ZNF436: variants seen among roughly 807,000 people sequenced by gnomAD.
ZNF436 encodes the protein DNA-binding protein.
Under a neutral mutation model 41.9 loss-of-function variants are expected in ZNF436, and 22 were observed. The ratio of observed to expected loss-of-function variants is 0.53; its 90% CI spans 0.38 to 0.75. The LOEUF (loss-of-function observed/expected upper bound fraction) is 0.75. ZNF436 is among the 30% of genes least tolerant of loss of function. ZNF436 has a pLI of 0.00. For missense variants in ZNF436, 506 were observed against 587.3 expected (o/e 0.86, Z 1.43); for synonymous variants, 217 against 197.8 (o/e 1.10, Z -0.82).
rs1646986504 is a variant in ZNF436 at position 23,360,443 on chromosome 1, A to G, written c.*1526T>C. On this transcript the variant is annotated 3_prime_UTR_variant, in exon 4 of 4. Transcript: ENST00000314011. Reference sequence around the variant, plus strand: ...ACTCCAGTCCCATTTTCTGGGCACCAATTCCCTTCCACCCCAACATGCTTG... The same window carrying G: ...ACTCCAGTCCCATTTTCTGGGCACCGATTCCCTTCCACCCCAACATGCTTG... 2 of 152,244 alleles carry G rather than the reference A, an allele frequency of 1.3e-5. No individual in the cohort carries two copies. Among genetic ancestry groups the G allele is most frequent in the African/African-American group, 2.4e-5 (1 of 41,456 alleles). 9.4% of individuals were successfully genotyped at this position (152,244 alleles called of 1,614,324 possible).
At position 23,369,675 on chromosome 1, in the gene ZNF436, C is replaced by T; in HGVS notation, c.-370G>A. On this transcript the variant is annotated 5_prime_UTR_variant, in exon 1 of 4. An upstream open reading frame in the 5' UTR loses its in-frame stop. Transcript: ENST00000314011. ...AGGCTGGCCGAGAAACCACCAGCAA[C>T]TAAGCTGCATTCAGCTGGAGTTCCT... 2.1e-6 allele frequency: 1 copy of T among 471,428 alleles called. No homozygotes were observed. The highest frequency in any genetic ancestry group is 4.5e-6 in the Non-Finnish European group (1 of 223,084). The allele number at this position is 471,428 out of a possible 1,614,324, so 29.2% of individuals were successfully genotyped here. A position where few individuals can be genotyped will look rare whatever the true frequency, so the allele number is the denominator to read the frequency against.
chr1:23,362,116 C>T lies in ZNF436; in HGVS notation c.1266G>A (p.Gln422=). The change falls in exon 4 of 4, where the codon CAG becomes CAA. Residue 422 remains glutamine, a synonymous_variant. Coordinates refer to ENST00000314011, the MANE Select transcript of ZNF436 (RefSeq NM_001077195.2). ...AGCTCTGGGTGAAACCTTTCCCACA[C>T]TGCACACACTCGTAGGGCTTCTCCC... ...HTGEKPYECV[Q]CGKGFTQSSN... 3 of 1,614,182 alleles carry T rather than the reference C, an allele frequency of 1.9e-6. No individual in the cohort carries two copies. Among genetic ancestry groups the T allele is most frequent in the Non-Finnish European group, 2.5e-6 (3 of 1,180,032 alleles).
intron 3 of ZNF436, among the ~76,000 whole-genome samples, chr1:23,364,386 C>T (rs12073190): frequency 0.05 from 7,587 of 152,034 alleles, 604 homozygotes; most frequent in African/African-American, 0.17. Context: ...TACAGGTGCC[C>T]GCCACCACAT....
At chr1:23,365,553 A>C (rs1385511893) in intron 3 of ZNF436, among the ~76,000 whole-genome samples, 1 of 151,788 alleles carries the variant, frequency 6.6e-6, no homozygotes, top group African/African-American at 2.4e-5. Flanking sequence ...GTCTCCACTA[A>C]AAATACAAAA....
At chr1:23,364,831 A>G (rs938509721) in intron 3 of ZNF436, among the ~76,000 whole-genome samples, 2 of 152,248 alleles carry the variant, frequency 1.3e-5, no homozygotes, top group Non-Finnish European at 2.9e-5. Flanking sequence ...CTCTTCAGAA[A>G]GAAAGTATGT....
rs771356179 is a variant in ZNF436, at chr1:23,369,460, G to A, written c.-155C>T. 1 of 533,888 alleles carries A rather than the reference G, an allele frequency of 1.9e-6. No individual in the cohort carries two copies. The allele number at this position is 533,888 out of a possible 1,614,324, so 33.1% of individuals were successfully genotyped here. On this transcript the variant is annotated 5_prime_UTR_variant, in exon 1 of 4. It adds an upstream start codon to the 5' untranslated region. Coordinates refer to ENST00000314011, the MANE Select transcript of ZNF436 (RefSeq NM_001077195.2). ...GCCGCAGCGTTCTCTCAGACCTGGC[G>A]TTCAGGAAGATTCTAGAGAGCACGG... is the stretch of plus-strand genomic sequence containing the variant.
Position 23,369,584 on chromosome 1 carries a change from C to T in ZNF436, c.-279G>A, listed in dbSNP as rs946715914. 1.9e-6 allele frequency: 1 copy of T among 532,332 alleles called. No individual in the cohort carries two copies. The highest frequency in any genetic ancestry group is 1.9e-5 in the African/African-American group (1 of 52,054). The allele number at this position is 532,332 out of a possible 1,614,324, so 33.0% of individuals were successfully genotyped here. A position where few individuals can be genotyped will look rare whatever the true frequency, so the allele number is the denominator to read the frequency against. ...AGGCTGATCCTAAAGACTCAGATTC[C>T]CGAGGCCTCAGACTCGCAGGCAGCT... On this transcript the variant is annotated 5_prime_UTR_variant, in exon 1 of 4. Transcript: ENST00000314011.
chr1:23,367,124 T>C lies in ZNF436; in HGVS notation c.78A>G (p.Glu26=). The C allele has an allele frequency of 2.5e-6, 4 of 1,613,610 alleles. No homozygotes were observed. The highest frequency in any genetic ancestry group is 3.4e-6 in the Non-Finnish European group (4 of 1,179,716). The part of the protein sequence containing the change: ...FEDMAMYLTR[E]EWRPLDAAQR... Reference sequence around the variant, plus strand: ...GTGCAGCGTCCAGAGGTCTCCATTCTTCCCGGGTGAGATACATGGCCATAT... The same window carrying C: ...GTGCAGCGTCCAGAGGTCTCCATTCCTCCCGGGTGAGATACATGGCCATAT... The change falls in exon 3 of 4, where the codon GAA becomes GAG. Residue 26 remains glutamate (E), a synonymous_variant. Coordinates refer to ENST00000314011, the MANE Select transcript of ZNF436 (RefSeq NM_001077195.2).
In ZNF436 at chr1:23,367,998, G is replaced by C. The variant is rs1419990792; in HGVS notation, c.8C>G (p.Ala3Gly). The change falls in exon 2 of 4, where the codon GCC (alanine) becomes GGC (glycine). Residue 3 changes from alanine to glycine, a missense_variant. Physicochemically the swap from Ala to Gly is moderately conservative, Grantham distance 60. Around this residue, in one of 2 missense-constraint regions of ZNF436, gnomAD observed 228 missense variants for 215.1 expected, o/e 1.06. Coordinates refer to ENST00000314011, the MANE Select transcript of ZNF436 (RefSeq NM_001077195.2). MA[A>G]TLLMAGSQAP... Reference sequence around the variant, plus strand: ...CTGGGACCCAGCCATGAGCAGGGTGGCTGCCATCTCGAGCACAAGGGTTCG... The same window carrying C: ...CTGGGACCCAGCCATGAGCAGGGTGCCTGCCATCTCGAGCACAAGGGTTCG... 1.2e-5 allele frequency: 19 copies of C among 1,614,106 alleles called. No individual in the cohort carries two copies. Among genetic ancestry groups the C allele is most frequent in the Non-Finnish European group, 1.5e-5 (18 of 1,180,016 alleles).
chr1:23,369,180 G>C (rs539020367), intron 1 of ZNF436, 186 bp downstream of exon 1: 8 of 393,586 alleles, frequency 2.0e-5, no homozygotes, highest in Admixed American at 9.3e-5. Context: ...GGCCCCTGCG[G>C]GGGGGGCGGG....
intron 2 of ZNF436, among the ~76,000 whole-genome samples, chr1:23,367,719 T>A (rs896488150): frequency 6.6e-6 from 1 of 152,248 alleles, no homozygotes; most frequent in African/African-American, 2.4e-5. Flanking sequence ...GATTGTGAAC[T>A]GTGAGCTGTG....
At chr1:23,366,455 T>C (rs1317090610) in intron 3 of ZNF436, among the ~76,000 whole-genome samples, 1 of 152,182 alleles carries the variant, frequency 6.6e-6, no homozygotes, top group Non-Finnish European at 1.5e-5. Flanking sequence ...GAAGACAGGC[T>C]TGCAGACCAT....
chr1:23,368,290 G>C (rs1488676968), intron 1 of ZNF436: 2 of 442,142 alleles, frequency 4.5e-6, no homozygotes, highest in Admixed American at 4.1e-5. Context: ...TCCCTCCCGC[G>C]CCGGGGGTTA....
intron 3 of ZNF436, among the ~76,000 whole-genome samples, chr1:23,366,432 T>C (rs1415929343): frequency 6.6e-6 from 1 of 152,006 alleles, no homozygotes; most frequent in Non-Finnish European, 1.5e-5. Context: ...CAGACCAAAG[T>C]ACAGCAAAGA....
intron 3 of ZNF436, among the ~76,000 whole-genome samples, chr1:23,366,374 T>TGAGC: frequency 1.3e-5 from 1 of 79,152 alleles, no homozygotes; most frequent in Non-Finnish European, 3.7e-5. Flanking sequence ...GCAAAGTGAG[T>TGAGC]CAAAAGACCG....
At chr1:23,367,874 C>A in intron 2 of ZNF436, 99 bp downstream of exon 2, 1 of 1,397,864 alleles carries the variant, frequency 7.2e-7, no homozygotes, top group Non-Finnish European at 1.0e-6. Context: ...CAGCGAATTA[C>A]TAATCCCAGG....
rs1039727065 is a variant in ZNF436 at position 23,360,528 on chromosome 1, G to A, written c.*1441C>T. ...TACCTGGACTGAGATTAGGAAAACTGACACTACTGGGCTTAAATTGGGCGA... is the reference window on the plus strand; with the variant it reads ...TACCTGGACTGAGATTAGGAAAACTAACACTACTGGGCTTAAATTGGGCGA... On this transcript the variant is annotated 3_prime_UTR_variant, in exon 4 of 4. Coordinates refer to ENST00000314011, the MANE Select transcript of ZNF436 (RefSeq NM_001077195.2). 2 of 152,174 alleles carry A rather than the reference G, an allele frequency of 1.3e-5. No homozygotes were observed. The highest frequency in any genetic ancestry group is 4.8e-5 in the African/African-American group (2 of 41,436). The allele number at this position is 152,174 out of a possible 1,614,324, so 9.4% of individuals were successfully genotyped here.
rs1228866989 is a variant in ZNF436 at position 23,360,180 on chromosome 1, G to A, written c.*1789C>T. ...GTGGCAACATGAAGGAACCCCCCTGGAAGATGGGTTACTTTAAAGGTTGTG... is the reference window on the plus strand; with the variant it reads ...GTGGCAACATGAAGGAACCCCCCTGAAAGATGGGTTACTTTAAAGGTTGTG... On this transcript the variant is annotated 3_prime_UTR_variant, in exon 4 of 4. Transcript: ENST00000314011. 2 of 152,282 alleles carry A rather than the reference G, an allele frequency of 1.3e-5. No homozygotes were observed. The highest frequency in any genetic ancestry group is 3.9e-4 in the East Asian group (2 of 5,188). The allele number at this position is 152,282 out of a possible 1,614,324, so 9.4% of individuals were successfully genotyped here. A position where few individuals can be genotyped will look rare whatever the true frequency, so the allele number is the denominator to read the frequency against.
chr1:23,362,714 T>C lies in ZNF436; in HGVS notation c.668A>G (p.Lys223Arg). The C allele has an allele frequency of 1.9e-6, 3 of 1,614,218 alleles. No homozygotes were observed. Among genetic ancestry groups the C allele is most frequent in the Non-Finnish European group, 2.5e-6 (3 of 1,180,038 alleles). ...QTIHTGEKPH[K>R]CNECGKSFCR... ...GAAACTTTTTCCACACTCATTACAT[T>C]TGTGAGGCTTCTCTCCAGTGTGGAT... The change falls in exon 4 of 4, where the codon AAA becomes AGA. Residue 223 changes from lysine to arginine, a missense_variant. Coordinates refer to ENST00000314011, the MANE Select transcript of ZNF436 (RefSeq NM_001077195.2).
Sources: gnomAD v4.1 joint callset for allele counts (sites outside exome capture counted in the v4.1 genomes callset) on GRCh38, gnomAD v4.1.1 for gene constraint, gnomAD v4.1.1 regional missense constraint, MANE v1.5 for transcripts, NCBI Gene and HGNC (gene_info 2026-07-23, HGNC 2026-07-21) for gene names.